Variants in DYSF observed in about 807,000 individuals in gnomAD.
The protein encoded by DYSF is dystrophy-associated fer-1-like 1.
Under a neutral mutation model 274.9 loss-of-function variants are expected in DYSF, and 212 were observed. That is an observed-to-expected ratio of 0.77 (90% CI 0.69 to 0.86). The LOEUF (loss-of-function observed/expected upper bound fraction) is 0.86, where lower values mean the gene tolerates loss of function less well. Among genes scored for constraint, DYSF ranks in the 40% least tolerant of loss-of-function variants. The pLI is 0.00. For synonymous variants in DYSF, 1,091 were observed against 1,078.7 expected (o/e 1.01, Z -0.22); for missense variants, 2,666 against 2,783.2 (o/e 0.96, Z 0.95).
chr2:71,574,581 C>T (rs1574100100), intron 30 of DYSF, among the ~76,000 whole-genome samples: 1 of 152,202 alleles, frequency 6.6e-6, no homozygotes, highest in Non-Finnish European at 1.5e-5. Flanking sequence ...AAGCTCCTTC[C>T]TTGGCACTGA....
rs1215356242 is a variant in DYSF, at chr2:71,537,278, C to G, written c.1494-1879C>G. Among the ~76,000 whole-genome samples the G allele has an allele frequency of 2.6e-5, 3 of 117,200 alleles. No individual in the cohort carries two copies. In the Admixed American group the frequency reaches 3.6e-4, roughly 14 times the overall value. 76.9% of individuals were successfully genotyped at this position (117,200 alleles called of 152,430 possible). On this transcript the variant is annotated intron_variant, in intron 16 of 55. Transcript: ENST00000410020. ...GGCGTGGTGGGAGGATGGAGTTTCG[C>G]TCTTGTCACCCAGGCTGGAGTCCAA...
At chr2:71,549,290 A>T in intron 17 of DYSF, 3 of 1,540,862 alleles carry the variant, frequency 1.9e-6, no homozygotes, top group South Asian at 2.3e-5. Context: ...CTGTTCATGT[A>T]ACCCGTCCTT....
intron 3 of DYSF, among the ~76,000 whole-genome samples, chr2:71,493,907 A>G (rs921659062): frequency 6.6e-6 from 1 of 151,608 alleles, no homozygotes; most frequent in Non-Finnish European, 1.5e-5. Flanking sequence ...TTTTAGAGGA[A>G]AAGAGGAAAA....
intron 5 of DYSF, 76 bp downstream of exon 5, chr2:71,511,997 C>A (rs896737618): frequency 1.0e-6 from 1 of 983,166 alleles, no homozygotes; most frequent in South Asian, 1.4e-5. Flanking sequence ...GGGCTGGGAG[C>A]TGCAGCGAGG....
At chr2:71,497,615 C>T (rs1442262180) in intron 3 of DYSF, among the ~76,000 whole-genome samples, 4 of 151,972 alleles carry the variant, frequency 2.6e-5, no homozygotes, top group Non-Finnish European at 4.4e-5. Flanking sequence ...GGTATATCTT[C>T]ATTAGCAGTG....
chr2:71,605,354 G>T (rs1033202014), intron 36 of DYSF, among the ~76,000 whole-genome samples: 1 of 152,354 alleles, frequency 6.6e-6, no homozygotes, highest in South Asian at 2.1e-4. Flanking sequence ...ACTGGAGAAT[G>T]TGTGCATGCA....
chr2:71,560,552 C>T (rs1217574069), intron 22 of DYSF, among the ~76,000 whole-genome samples: 3 of 152,078 alleles, frequency 2.0e-5, no homozygotes, highest in African/African-American at 7.2e-5. Flanking sequence ...AGACAGGCCC[C>T]GGGGCTTAAG....
At chr2:71,520,946 G>T in intron 12 of DYSF, 42 bp downstream of exon 12, 1 of 1,586,008 alleles carries the variant, frequency 6.3e-7, no homozygotes, top group African/African-American at 1.3e-5. Flanking sequence ...TCCCCCACGC[G>T]GCACTTGGTT....
chr2:71,523,844 C>T (rs747796664), intron 12 of DYSF, among the ~76,000 whole-genome samples: 11 of 152,144 alleles, frequency 7.2e-5, no homozygotes, highest in Non-Finnish European at 7.3e-5. Context: ...TGCGCCTGGC[C>T]GCCAGTCATC....
chr2:71,551,826 C>A, intron 19 of DYSF, 106 bp downstream of exon 19: 1 of 893,986 alleles, frequency 1.1e-6, no homozygotes, highest in Non-Finnish European at 1.7e-6. Flanking sequence ...GGAAGCTCTG[C>A]CCACACGCAT....
intron 1 of DYSF, among the ~76,000 whole-genome samples, chr2:71,460,512 C>T (rs1192080245): frequency 6.6e-6 from 1 of 152,158 alleles, no homozygotes; most frequent in African/African-American, 2.4e-5. Flanking sequence ...CAGGTCTCAG[C>T]CACACTCTCC....
chr2:71,585,399 G>A (rs929735112), intron 30 of DYSF, among the ~76,000 whole-genome samples: 1 of 152,186 alleles, frequency 6.6e-6, no homozygotes, highest in African/African-American at 2.4e-5. Context: ...ACTTGAATGG[G>A]CAATGCCTGG....
At chr2:71,672,289 C>T (rs944151083) in intron 51 of DYSF, among the ~76,000 whole-genome samples, 2 of 152,158 alleles carry the variant, frequency 1.3e-5, no homozygotes, top group African/African-American at 4.8e-5. Context: ...CAGTGGGGCA[C>T]CAGTTAGCTG....
intron 21 of DYSF, among the ~76,000 whole-genome samples, chr2:71,554,481 C>T (rs1280536208): frequency 6.6e-6 from 1 of 151,910 alleles, no homozygotes; most frequent in African/African-American, 2.4e-5. Context: ...GGCCAAGGAG[C>T]ATCAGGAAGG....
chr2:71,517,680 G>A (rs2086802252), intron 10 of DYSF, among the ~76,000 whole-genome samples: 1 of 152,024 alleles, frequency 6.6e-6, no homozygotes, highest in African/African-American at 2.4e-5. Context: ...CCTATCTTCC[G>A]ACAGAAGCTG....
chr2:71,647,621 A>G (rs932960205), intron 42 of DYSF, among the ~76,000 whole-genome samples: 7 of 152,344 alleles, frequency 4.6e-5, no homozygotes, highest in Middle Eastern at 3.4e-3. Flanking sequence ...GACAACTGAA[A>G]TTGGTTAGAG....
chr2:71,537,946 T>C (rs1427277298), intron 16 of DYSF, among the ~76,000 whole-genome samples: 2 of 152,210 alleles, frequency 1.3e-5, no homozygotes, highest in African/African-American at 2.4e-5. Flanking sequence ...GTCTGCATCA[T>C]TGGCATTTGG....
chr2:71,556,277 C>T (rs1573965280), intron 22 of DYSF, among the ~76,000 whole-genome samples: 1 of 152,236 alleles, frequency 6.6e-6, no homozygotes. Context: ...AATCTCCCTG[C>T]AGCAGCGGCA....
chr2:71,623,305 C>A (rs2094144101), intron 41 of DYSF, among the ~76,000 whole-genome samples: 1 of 149,200 alleles, frequency 6.7e-6, no homozygotes. Flanking sequence ...AGGTATATCT[C>A]CCAATGCTGT....
Sources: allele counts gnomAD v4.1 joint callset (sites outside exome capture counted in the v4.1 genomes callset), GRCh38; gene constraint gnomAD v4.1.1; transcripts MANE v1.5; gene names NCBI Gene and HGNC (gene_info 2026-07-23, HGNC 2026-07-21).